Variants in SHISAL1 observed in about 807,000 individuals in gnomAD.
SHISAL1 encodes shisa like 1.
A neutral mutation model predicts 22.6 loss-of-function variants in SHISAL1; 9 were observed. That is an observed-to-expected ratio of 0.40 (90% CI 0.24 to 0.70). SHISAL1 has a LOEUF of 0.70. Among genes scored for constraint, SHISAL1 ranks in the 30% least tolerant of loss-of-function variants. The pLI, the probability that SHISAL1 is intolerant of heterozygous loss-of-function variation, is 0.39. For synonymous variants in SHISAL1, 119 were observed against 115.4 expected (o/e 1.03, Z -0.20); for missense variants, 246 against 270.6 (o/e 0.91, Z 0.64).
intron 4 of SHISAL1, among the ~76,000 whole-genome samples, chr22:44,281,767 A>G (rs135396): frequency 0.59 from 90,421 of 151,984 alleles, 27,076 homozygotes; most frequent in Non-Finnish European, 0.62. Context: ...AAGAAACTTC[A>G]CAGTCTGAGT....
In SHISAL1 at chr22:44,296,703, G is replaced by A. The variant is rs770926462; in HGVS notation, c.250C>T (p.Leu84Phe). 3 of 1,613,858 alleles carry A rather than the reference G, an allele frequency of 1.9e-6. No homozygotes were observed. The highest frequency in any genetic ancestry group is 2.2e-5 in the East Asian group (1 of 44,888). ...TEFQAVMQAN[L>F]TASSEGYMHN... is the part of the protein sequence containing the mutation. The stretch of plus-strand genomic sequence containing the variant: ...ATGTAACCCTCGGAGCTGGCCGTGA[G>A]GTTCGCCTGCATCACCGCCTGGAAC... Residue 84 changes from leucine (L) to phenylalanine (F), a missense_variant, in exon 3 of 5, where the codon CTC becomes TTC. Physicochemically the swap from Leu to Phe is conservative, Grantham distance 22. Transcript: ENST00000381176.
At chr22:44,302,285 A>G (rs991988245) in intron 1 of SHISAL1, among the ~76,000 whole-genome samples, 2 of 145,264 alleles carry the variant, frequency 1.4e-5, no homozygotes, top group Non-Finnish European at 3.0e-5. Flanking sequence ...GGCTGCAGTG[A>G]GCTGAGATCA....
intron 4 of SHISAL1, among the ~76,000 whole-genome samples, chr22:44,250,351 A>T (rs1365453754): frequency 6.6e-6 from 1 of 152,230 alleles, no homozygotes; most frequent in Non-Finnish European, 1.5e-5. Context: ...GCTATAAAGA[A>T]GAGACCAAGG....
At position 44,301,000 on chromosome 22, in the gene SHISAL1, G is replaced by A. The variant is rs1355857148; in HGVS notation, c.-32-23C>T. The A allele has an allele frequency of 7.8e-6, 12 of 1,536,696 alleles. No individual in the cohort carries two copies. In the East Asian group the frequency reaches 9.1e-5, roughly 12 times the overall value. On this transcript the variant is annotated intron_variant, in intron 1 of 4. Transcript: ENST00000381176. ...TGCCTGTTCAATGAGAGCCACGAGA[G>A]GCTGGGTGTGGGCTGTCTCGCCTGA...
intron 3 of SHISAL1, among the ~76,000 whole-genome samples, chr22:44,293,583 T>C (rs2147296751): frequency 6.6e-6 from 1 of 152,236 alleles, no homozygotes; most frequent in African/African-American, 2.4e-5. Flanking sequence ...TCTGCCTCTG[T>C]TGGTAGAAGC....
chr22:44,275,813 TGCA>T (rs2055236058), intron 4 of SHISAL1, among the ~76,000 whole-genome samples: 1 of 152,200 alleles, frequency 6.6e-6, no homozygotes, highest in Non-Finnish European at 1.5e-5. Context: ...CACAATTTGT[TGCA>T]GCTGCTTAGC....
Position 44,245,639 on chromosome 22 carries a change from T to G in SHISAL1, c.*4046A>C, listed in dbSNP as rs1601768991. The G allele has an allele frequency of 6.6e-6, 1 of 152,612 alleles. No homozygotes were observed. The highest frequency in any genetic ancestry group is 1.9e-4 in the East Asian group (1 of 5,178). 9.5% of individuals were successfully genotyped at this position (152,612 alleles called of 1,614,324 possible). ...GCCTGCCTGGGGATGGCAGCTGGAA[T>G]CCTGAGCCAACCTGGACAGCGGCCT... On this transcript the variant is annotated 3_prime_UTR_variant, in exon 5 of 5. Transcript: ENST00000381176.
intron 1 of SHISAL1, among the ~76,000 whole-genome samples, chr22:44,302,197 G>A (rs985656938): frequency 3.9e-5 from 6 of 151,988 alleles, no homozygotes; most frequent in African/African-American, 9.7e-5. Flanking sequence ...AAAATTAGCC[G>A]GGCATGGTGG....
chr22:44,317,807 A>C (rs946181409), upstream of SHISAL1, among the ~76,000 whole-genome samples: 1 of 152,238 alleles, frequency 6.6e-6, no homozygotes, highest in Non-Finnish European at 1.5e-5. Flanking sequence ...CATAGCAAGC[A>C]CCAGGCTCCA....
At chr22:44,277,376 AG>A (rs1339649380) in intron 4 of SHISAL1, among the ~76,000 whole-genome samples, 7 of 152,204 alleles carry the variant, frequency 4.6e-5, no homozygotes, top group African/African-American at 1.7e-4. Flanking sequence ...ACCTCAAAAC[AG>A]GGGACCTGGG....
intron 4 of SHISAL1, among the ~76,000 whole-genome samples, chr22:44,260,812 G>A (rs2055117114): frequency 1.3e-5 from 2 of 152,070 alleles, no homozygotes; most frequent in Admixed American, 6.5e-5. Flanking sequence ...TGGGGGCAGC[G>A]TCACTCCTGA....
At chr22:44,283,365 C>CATCAGGA (rs2055289732) in intron 4 of SHISAL1, among the ~76,000 whole-genome samples, 1 of 152,242 alleles carries the variant, frequency 6.6e-6, no homozygotes, top group African/African-American at 2.4e-5. Flanking sequence ...TGCACAATCC[C>CATCAGGA]TGCAGGCTTG....
chr22:44,259,267 C>A (rs186516860), intron 4 of SHISAL1, among the ~76,000 whole-genome samples: 1 of 151,788 alleles, frequency 6.6e-6, no homozygotes, highest in Non-Finnish European at 1.5e-5. Context: ...GGTGAAACCC[C>A]GTCTACTAAA....
upstream of SHISAL1, among the ~76,000 whole-genome samples, chr22:44,317,433 C>G (rs1221242526): frequency 6.6e-6 from 1 of 152,222 alleles, no homozygotes; most frequent in East Asian, 1.9e-4. Context: ...TGGCTCTCGG[C>G]TGCCTTCTTG....
intron 4 of SHISAL1, among the ~76,000 whole-genome samples, chr22:44,279,213 C>G (rs765569978): frequency 6.6e-6 from 1 of 152,174 alleles, no homozygotes; most frequent in Non-Finnish European, 1.5e-5. Context: ...GGAGGGAACG[C>G]GCGCCTTCTT....
intron 4 of SHISAL1, among the ~76,000 whole-genome samples, chr22:44,270,796 G>A (rs1807715): frequency 0.46 from 70,140 of 152,044 alleles, 18,610 homozygotes; most frequent in Non-Finnish European, 0.61. Context: ...ACCACTGACG[G>A]CTGCTTCCAC....
intron 1 of SHISAL1, among the ~76,000 whole-genome samples, chr22:44,306,277 G>C (rs146366752): frequency 1.3e-5 from 2 of 151,394 alleles, no homozygotes; most frequent in South Asian, 2.1e-4. Context: ...CGACGATGGC[G>C]TGTGTGGAGG....
chr22:44,260,375 A>G (rs1359844250), intron 4 of SHISAL1, among the ~76,000 whole-genome samples: 1 of 152,236 alleles, frequency 6.6e-6, no homozygotes, highest in African/African-American at 2.4e-5. Flanking sequence ...GAAGGGAAGA[A>G]TGTGACATGG....
intron 4 of SHISAL1, among the ~76,000 whole-genome samples, chr22:44,270,778 C>T (rs908506749): frequency 2.0e-5 from 3 of 152,214 alleles, no homozygotes; most frequent in African/African-American, 7.2e-5. Context: ...CCCAGTGAGA[C>T]CACCAGCACC....
Sources: allele counts gnomAD v4.1 joint callset (sites outside exome capture counted in the v4.1 genomes callset), GRCh38; gene constraint gnomAD v4.1.1; transcripts MANE v1.5; gene names NCBI Gene and HGNC (gene_info 2026-07-23, HGNC 2026-07-21).